Variants in JAZF1 observed in about 807,000 individuals in gnomAD.
The protein encoded by JAZF1 is JAZF zinc finger 1.
A neutral mutation model predicts 26.4 loss-of-function variants in JAZF1; 8 were observed. The observed-to-expected ratio is 0.30, with a 90% CI of 0.18 to 0.55. The LOEUF (loss-of-function observed/expected upper bound fraction) is 0.55, where lower values mean the gene tolerates loss of function less well. Ranked by LOEUF, JAZF1 falls within the 20% of genes least tolerant of loss-of-function variation. The pLI is 0.94. For missense variants in JAZF1, 199 were observed against 322.0 expected (o/e 0.62, Z 2.92); for synonymous variants, 126 against 122.3 (o/e 1.03, Z -0.20).
chr7:27,991,164 G>C (rs1236306194), intron 2 of JAZF1, among the ~76,000 whole-genome samples: 1 of 152,112 alleles, frequency 6.6e-6, no homozygotes, highest in East Asian at 1.9e-4. Context: ...TCTATAAAAA[G>C]ACCTATCAAT....
intron 1 of JAZF1, among the ~76,000 whole-genome samples, chr7:28,133,779 G>A (rs1161796602): frequency 1.3e-5 from 2 of 152,104 alleles, no homozygotes; most frequent in African/African-American, 4.8e-5. Context: ...TCCTGCCTTA[G>A]GCCTTTGCTG....
At chr7:27,874,494 C>T (rs1412286719) in intron 3 of JAZF1, among the ~76,000 whole-genome samples, 1 of 152,090 alleles carries the variant, frequency 6.6e-6, no homozygotes, top group Non-Finnish European at 1.5e-5. Context: ...AGCCTAGGCT[C>T]ATGGGATTTC....
intron 1 of JAZF1, among the ~76,000 whole-genome samples, chr7:28,145,271 G>A (rs1783010294): frequency 2.0e-5 from 3 of 152,204 alleles, no homozygotes; most frequent in African/African-American, 7.2e-5. Context: ...GTGAGTCAAG[G>A]TTCACATGTA....
intron 1 of JAZF1, among the ~76,000 whole-genome samples, chr7:27,998,214 G>A (rs1268078508): frequency 6.6e-6 from 1 of 151,968 alleles, no homozygotes; most frequent in Non-Finnish European, 1.5e-5. Context: ...GTCTTATTGG[G>A]CCAGCATTTG....
chr7:28,075,920 T>C (rs1784044228), intron 1 of JAZF1, among the ~76,000 whole-genome samples: 2 of 152,196 alleles, frequency 1.3e-5, no homozygotes, highest in South Asian at 4.1e-4. Context: ...AGACAAGAGA[T>C]AGAGAACTTC....
At chr7:27,855,014 C>T (rs570347108) in intron 3 of JAZF1, among the ~76,000 whole-genome samples, 34 of 152,094 alleles carry the variant, frequency 2.2e-4, no homozygotes, top group Non-Finnish European at 3.1e-4. Flanking sequence ...AACATAGGTT[C>T]GGTCATTTCA....
intron 3 of JAZF1, among the ~76,000 whole-genome samples, chr7:27,873,373 G>A (rs999172646): frequency 6.6e-6 from 1 of 152,082 alleles, no homozygotes; most frequent in Non-Finnish European, 1.5e-5. Context: ...TGGCTCCACT[G>A]CCAACTCTAT....
intron 1 of JAZF1, chr7:28,020,543 T>C (rs1294766374): frequency 1.5e-5 from 7 of 471,112 alleles, no homozygotes; most frequent in Admixed American, 9.4e-5. Flanking sequence ...ACAAGTGTCA[T>C]GACACTTACG....
intron 1 of JAZF1, among the ~76,000 whole-genome samples, chr7:28,114,541 C>T (rs373771048): frequency 6.6e-6 from 1 of 151,402 alleles, no homozygotes; most frequent in African/African-American, 2.4e-5. Flanking sequence ...GAAGCATCAT[C>T]AAGGCAAACT....
At chr7:27,899,975 T>C (rs1235568100) in intron 2 of JAZF1, among the ~76,000 whole-genome samples, 3 of 152,138 alleles carry the variant, frequency 2.0e-5, no homozygotes, top group African/African-American at 7.2e-5. Context: ...GCGGTTTACA[T>C]GGGGGCAGTG....
At chr7:27,931,679 G>T (rs1186149617) in intron 2 of JAZF1, among the ~76,000 whole-genome samples, 1 of 152,150 alleles carries the variant, frequency 6.6e-6, no homozygotes, top group Non-Finnish European at 1.5e-5. Flanking sequence ...TTAGCTGGGC[G>T]TGTTGGTGCA....
At chr7:28,007,950 G>A (rs918099921) in intron 1 of JAZF1, among the ~76,000 whole-genome samples, 3 of 152,040 alleles carry the variant, frequency 2.0e-5, no homozygotes, top group Non-Finnish European at 4.4e-5. Flanking sequence ...GGAAGCACTG[G>A]GATGAAATAT....
intron 1 of JAZF1, among the ~76,000 whole-genome samples, chr7:28,132,328 A>G (rs933975431): frequency 1.3e-5 from 2 of 152,186 alleles, no homozygotes; most frequent in Non-Finnish European, 2.9e-5. Flanking sequence ...TTCCAGAACC[A>G]GAACTCATTA....
intron 2 of JAZF1, among the ~76,000 whole-genome samples, chr7:27,926,328 TGGCAG>T: frequency 6.6e-6 from 1 of 152,314 alleles, no homozygotes; most frequent in South Asian, 2.1e-4. Flanking sequence ...TCCTTGGAAC[TGGCAG>T]GACATACCTT....
intron 4 of JAZF1, among the ~76,000 whole-genome samples, chr7:27,835,448 T>C (rs909283054): frequency 6.6e-6 from 1 of 152,192 alleles, no homozygotes; most frequent in East Asian, 1.9e-4. Flanking sequence ...GTAAACATTA[T>C]GTTGTGTGTC....
chr7:28,147,515 G>A (rs73089302), intron 1 of JAZF1, among the ~76,000 whole-genome samples: 29,425 of 150,246 alleles, frequency 0.2, 3,766 homozygotes, highest in African/African-American at 0.34. Flanking sequence ...CATTATGAAA[G>A]TTTAGCTACC....
chr7:28,069,280 C>T (rs1783932886), intron 1 of JAZF1, among the ~76,000 whole-genome samples: 1 of 152,242 alleles, frequency 6.6e-6, no homozygotes, highest in Non-Finnish European at 1.5e-5. Flanking sequence ...CACCAATCAG[C>T]TGTTTTCACA....
At chr7:27,982,240 C>T (rs892192554) in intron 2 of JAZF1, among the ~76,000 whole-genome samples, 1 of 152,186 alleles carries the variant, frequency 6.6e-6, no homozygotes, top group Non-Finnish European at 1.5e-5. Flanking sequence ...AAAATCGGGA[C>T]ACTCCCATCC....
At chr7:28,050,364 GCA>G (rs1783591514) in intron 1 of JAZF1, among the ~76,000 whole-genome samples, 1 of 152,128 alleles carries the variant, frequency 6.6e-6, no homozygotes. Context: ...CTGCTGATGG[GCA>G]CAGAGTTTCT....
Sources: allele counts gnomAD v4.1 joint callset (sites outside exome capture counted in the v4.1 genomes callset), GRCh38; gene constraint gnomAD v4.1.1; transcripts MANE v1.5; gene names NCBI Gene and HGNC (gene_info 2026-07-23, HGNC 2026-07-21).